The following MTUS2 variants were observed in gnomAD, a reference collection of about 807,000 sequenced individuals.
MTUS2 encodes the protein microtubule associated scaffold protein 2.
A neutral mutation model predicts 114.1 loss-of-function variants in MTUS2; 40 were observed. The observed-to-expected ratio is 0.35, with a 90% confidence interval of 0.27 to 0.46. MTUS2 has a LOEUF of 0.46. Among genes scored for constraint, MTUS2 ranks in the 20% least tolerant of loss-of-function variants. The pLI, the probability that MTUS2 is intolerant of heterozygous loss-of-function variation, is 1.00. For missense variants in MTUS2, 1,679 were observed against 1,705.4 expected (o/e 0.98, Z 0.27); for synonymous variants, 688 against 672.0 (o/e 1.02, Z -0.37).
chr13:28,821,274 A>G (rs1039174175), intron 1 of MTUS2, among the ~76,000 whole-genome samples: 1 of 152,190 alleles, frequency 6.6e-6, no homozygotes, highest in Non-Finnish European at 1.5e-5. Flanking sequence ...CCCTTTTAAG[A>G]TAATATAGGA....
intron 4 of MTUS2, among the ~76,000 whole-genome samples, chr13:29,060,742 A>G (rs1373643634): frequency 2.8e-5 from 4 of 145,254 alleles, no homozygotes; most frequent in Non-Finnish European, 4.5e-5. Context: ...TTCGTTTTCT[A>G]TTTGACCTAT....
chr13:29,135,163 C>G (rs967293251), intron 5 of MTUS2, among the ~76,000 whole-genome samples: 2 of 152,192 alleles, frequency 1.3e-5, no homozygotes, highest in Non-Finnish European at 2.9e-5. Context: ...ACTGTGTGCA[C>G]TACCCACTTA....
intron 9 of MTUS2, among the ~76,000 whole-genome samples, chr13:29,442,395 T>C (rs1877952519): frequency 6.6e-6 from 1 of 152,216 alleles, no homozygotes; most frequent in African/African-American, 2.4e-5. Context: ...ATATTTTTGT[T>C]TTATTCTTAA....
intron 2 of MTUS2, among the ~76,000 whole-genome samples, chr13:28,843,174 A>T (rs549498646): frequency 4.6e-5 from 7 of 152,294 alleles, no homozygotes; most frequent in African/African-American, 1.4e-4. Context: ...GGCCAGGGGA[A>T]TCCTAGAACT....
At chr13:29,274,158 G>C (rs978068684) in intron 5 of MTUS2, among the ~76,000 whole-genome samples, 5 of 152,100 alleles carry the variant, frequency 3.3e-5, no homozygotes, top group Admixed American at 6.5e-5. Context: ...CTGTCACCCA[G>C]GCTGGAGTGC....
At chr13:29,124,223 T>C (rs1420300841) in intron 5 of MTUS2, among the ~76,000 whole-genome samples, 1 of 152,224 alleles carries the variant, frequency 6.6e-6, no homozygotes, top group Non-Finnish European at 1.5e-5. Flanking sequence ...GAAGACTTGG[T>C]TCTTTCCATT....
At chr13:29,310,111 T>C (rs1019904299) in intron 6 of MTUS2, among the ~76,000 whole-genome samples, 2 of 152,214 alleles carry the variant, frequency 1.3e-5, no homozygotes, top group African/African-American at 4.8e-5. Flanking sequence ...TTCTGTTCTC[T>C]ATCTCCATGA....
At chr13:29,203,412 G>A (rs983635910) in intron 5 of MTUS2, among the ~76,000 whole-genome samples, 5 of 152,180 alleles carry the variant, frequency 3.3e-5, no homozygotes, top group African/African-American at 9.7e-5. Flanking sequence ...TGCTGGCAGC[G>A]AGAATTTCAA....
chr13:29,417,724 T>C (rs965858348), intron 8 of MTUS2, among the ~76,000 whole-genome samples: 2 of 152,216 alleles, frequency 1.3e-5, no homozygotes, highest in African/African-American at 4.8e-5. Flanking sequence ...ATTCAAGATC[T>C]TTTTTCATAT....
chr13:28,885,749 A>G (rs2138154699), intron 2 of MTUS2, among the ~76,000 whole-genome samples: 1 of 152,374 alleles, frequency 6.6e-6, no homozygotes, highest in Non-Finnish European at 1.5e-5. Flanking sequence ...TATATATCCA[A>G]CAAATATTTA....
At chr13:29,108,978 G>A (rs1389525847) in intron 5 of MTUS2, among the ~76,000 whole-genome samples, 1 of 152,206 alleles carries the variant, frequency 6.6e-6, no homozygotes, top group East Asian at 1.9e-4. Flanking sequence ...AATATTTGAA[G>A]CTGGATGATG....
At chr13:29,195,157 T>C (rs1331954213) in intron 5 of MTUS2, among the ~76,000 whole-genome samples, 1 of 151,304 alleles carries the variant, frequency 6.6e-6, no homozygotes, top group African/African-American at 2.4e-5. Context: ...GACGAGTTAA[T>C]GGGTGCAGCA....
rs145513598 is a variant in MTUS2, at chr13:29,409,014, A to C, written c.3118-30969A>C. Among the ~76,000 whole-genome samples the C allele has an allele frequency of 1.7e-4, 26 of 152,350 alleles. No individual in the cohort carries two copies. In the East Asian group the frequency reaches 5.0e-3, roughly 29 times the overall value. On this transcript the variant is annotated intron_variant, in intron 8 of 15. Coordinates refer to ENST00000612955, the MANE Select transcript of MTUS2 (RefSeq NM_001033602.4). ...CTCTATCCTAAACTAAGCACAAAGTAGTTTCAATTGTTCATCCACTTATAG... is the reference window on the plus strand; with the variant it reads ...CTCTATCCTAAACTAAGCACAAAGTCGTTTCAATTGTTCATCCACTTATAG...
At chr13:29,276,764 G>A (rs1053691676) in intron 5 of MTUS2, among the ~76,000 whole-genome samples, 2 of 152,166 alleles carry the variant, frequency 1.3e-5, no homozygotes, top group African/African-American at 4.8e-5. Flanking sequence ...CAGCCATGGT[G>A]GTGGGCGCCT....
chr13:29,337,330 C>T (rs987991304), intron 7 of MTUS2, among the ~76,000 whole-genome samples: 13 of 152,148 alleles, frequency 8.5e-5, no homozygotes, highest in Admixed American at 2.6e-4. Flanking sequence ...ATGGGAAAAG[C>T]GCAGTTTCTG....
At chr13:29,078,350 C>T (rs556245847) in intron 4 of MTUS2, among the ~76,000 whole-genome samples, 1 of 152,284 alleles carries the variant, frequency 6.6e-6, no homozygotes, top group African/African-American at 2.4e-5. Context: ...CATACAATAA[C>T]AGACCAAGTT....
At chr13:28,892,295 A>G (rs760553939) in intron 2 of MTUS2, among the ~76,000 whole-genome samples, 14 of 152,108 alleles carry the variant, frequency 9.2e-5, no homozygotes, top group Non-Finnish European at 1.5e-4. Context: ...TGGGTGAGGT[A>G]TAGGAAGGCT....
intron 5 of MTUS2, among the ~76,000 whole-genome samples, chr13:29,179,840 A>G (rs1893925043): frequency 6.6e-6 from 1 of 152,162 alleles, no homozygotes; most frequent in African/African-American, 2.4e-5. Flanking sequence ...TTTCATTTTA[A>G]AATATCTGAA....
intron 2 of MTUS2, among the ~76,000 whole-genome samples, chr13:28,902,055 G>A (rs969523471): frequency 6.6e-6 from 1 of 152,084 alleles, no homozygotes; most frequent in African/African-American, 2.4e-5. Flanking sequence ...TATGTGTTTT[G>A]TTAAGTACAC....
Sources: allele counts gnomAD v4.1 joint callset (sites outside exome capture counted in the v4.1 genomes callset), GRCh38; gene constraint gnomAD v4.1.1; transcripts MANE v1.5; gene names NCBI Gene and HGNC (gene_info 2026-07-23, HGNC 2026-07-21).